MEGF10: variants seen among roughly 807,000 people sequenced by gnomAD.
MEGF10 encodes the protein multiple EGF like domains 10, also known as multiple epidermal growth factor-like domains protein 10.
MEGF10 carries 86 observed loss-of-function variants against 147.5 expected under a neutral mutation model. The ratio of observed to expected loss-of-function variants is 0.58; its 90% CI spans 0.49 to 0.70. The LOEUF (loss-of-function observed/expected upper bound fraction) is 0.70, where lower values mean the gene tolerates loss of function less well. MEGF10 is among the 30% of genes least tolerant of loss of function. The pLI is 0.00. For synonymous variants in MEGF10, 478 were observed against 525.5 expected (o/e 0.91, Z 1.24); for missense variants, 1,329 against 1,487.3 (o/e 0.89, Z 1.75).
At chr5:127,231,761 A>G in the MEGF10 span, among the ~76,000 whole-genome samples, 1 of 152,344 alleles carries the variant, frequency 6.6e-6, no homozygotes, top group East Asian at 1.9e-4. Flanking sequence ...CCCTTCCTTC[A>G]TTAGCCCAGT....
intron 13 of MEGF10, among the ~76,000 whole-genome samples, chr5:127,431,859 T>A (rs1765395442): frequency 6.6e-6 from 1 of 152,162 alleles, no homozygotes; most frequent in Non-Finnish European, 1.5e-5. Context: ...CCAGTATAGG[T>A]GTGGATATAA....
rs544125784 is a variant in MEGF10 at position 127,404,409 on chromosome 5, G to A, written c.917+1727G>A. On this transcript the variant is annotated intron_variant, in intron 8 of 24. Transcript: ENST00000503335. ...GCGGTTTTTACCATTGAAAGTAACG[G>A]TGAAGACCGCAATTACTTTTACACC... Among the ~76,000 whole-genome samples, 386 of 152,124 alleles carry A rather than the reference G, an allele frequency of 2.5e-3. 1 individual carries two copies. Among genetic ancestry groups the A allele is most frequent in the Non-Finnish European group, 4.3e-3 (290 of 67,972 alleles).
At chr5:127,420,364 G>T (rs1023646394) in intron 12 of MEGF10, among the ~76,000 whole-genome samples, 157 bp downstream of exon 12, 1 of 152,210 alleles carries the variant, frequency 6.6e-6, no homozygotes, top group South Asian at 2.1e-4. Context: ...CAAATTGGAC[G>T]TAGGATTGGA....
At chr5:127,290,076 T>C (rs1438002548), upstream of MEGF10, among the ~76,000 whole-genome samples, 1 of 152,158 alleles carries the variant, frequency 6.6e-6, no homozygotes, top group Non-Finnish European at 1.5e-5. Flanking sequence ...ATTCCATCAC[T>C]GGGCCTCCCG....
chr5:127,345,622 C>A (rs1245786457), intron 4 of MEGF10, among the ~76,000 whole-genome samples: 1 of 152,146 alleles, frequency 6.6e-6, no homozygotes, highest in Non-Finnish European at 1.5e-5. Flanking sequence ...TAAATTTGTT[C>A]ATCCTTTAAG....
intron 9 of MEGF10, among the ~76,000 whole-genome samples, chr5:127,415,060 C>T (rs1182920953): frequency 2.0e-5 from 3 of 149,858 alleles, no homozygotes; most frequent in Non-Finnish European, 4.4e-5. Context: ...CCCATGTGGA[C>T]GCCCCTAAAT....
chr5:127,235,389 C>T, the MEGF10 span, among the ~76,000 whole-genome samples: 74 of 152,328 alleles, frequency 4.9e-4, no homozygotes, highest in African/African-American at 1.8e-3. Context: ...TTCCTCCCTA[C>T]GACCATTTGA....
chr5:127,431,969 A>G (rs1443814687), intron 13 of MEGF10, among the ~76,000 whole-genome samples: 2 of 152,154 alleles, frequency 1.3e-5, no homozygotes, highest in Non-Finnish European at 2.9e-5. Context: ...AAAAAATAAT[A>G]TATTTATGAT....
intron 4 of MEGF10, 118 bp downstream of exon 4, chr5:127,340,748 C>G (rs1761649434): frequency 1.3e-6 from 1 of 746,438 alleles, no homozygotes; most frequent in Non-Finnish European, 2.3e-6. Flanking sequence ...CATTCCTTTT[C>G]CCTCTGGTTG....
At chr5:127,422,990 A>C (rs545951655) in intron 13 of MEGF10, among the ~76,000 whole-genome samples, 1 of 152,356 alleles carries the variant, frequency 6.6e-6, no homozygotes, top group Admixed American at 6.5e-5. Context: ...AGTAAGGTCC[A>C]GCTGTCAAAA....
At chr5:127,260,593 T>C in the MEGF10 span, among the ~76,000 whole-genome samples, 22 of 152,176 alleles carry the variant, frequency 1.4e-4, no homozygotes, top group Non-Finnish European at 3.1e-4. Flanking sequence ...ACTCATTGTC[T>C]CCTGTTGTAG....
At chr5:127,324,126 A>G (rs1311203491) in intron 1 of MEGF10, among the ~76,000 whole-genome samples, 1 of 152,124 alleles carries the variant, frequency 6.6e-6, no homozygotes, top group Non-Finnish European at 1.5e-5. Context: ...ATAATAGGGT[A>G]TAATTATGGT....
intron 1 of MEGF10, among the ~76,000 whole-genome samples, chr5:127,312,820 A>G (rs1760350580): frequency 6.6e-6 from 1 of 152,220 alleles, no homozygotes; most frequent in Non-Finnish European, 1.5e-5. Context: ...CAAGAAATTA[A>G]CTATAGCTTT....
rs1298650092 is a variant in MEGF10 at position 127,292,269 on chromosome 5, G to C, written c.-19+1213G>C. ...GCCACTTTTCAGTTCTGTGATTTTGGGGTAAGTTACTTAATCTGTTTATCC... is the reference window on the plus strand; with the variant it reads ...GCCACTTTTCAGTTCTGTGATTTTGCGGTAAGTTACTTAATCTGTTTATCC... On this transcript the variant is annotated intron_variant, in intron 1 of 24. Coordinates refer to ENST00000503335, the MANE Select transcript of MEGF10 (RefSeq NM_001256545.2). Among the ~76,000 whole-genome samples the C allele has an allele frequency of 2.6e-5, 4 of 152,186 alleles. No individual in the cohort carries two copies. In the East Asian group the frequency reaches 5.8e-4, roughly 22 times the overall value.
Position 127,371,191 on chromosome 5 carries a change from CTGTGTGTGTGTG to C in MEGF10, c.412+1233_412+1244del, listed in dbSNP as rs10591122. 7.1e-3 allele frequency among the ~76,000 whole-genome samples: 901 copies of C among 126,252 alleles called. 6 individuals are homozygous for C. The highest frequency in any genetic ancestry group is 0.033 in the South Asian group (109 of 3,350). The allele number at this position is 126,252 out of a possible 152,430, so 82.8% of individuals were successfully genotyped here. A position where few individuals can be genotyped will look rare whatever the true frequency, so the allele number is the denominator to read the frequency against. The stretch of plus-strand genomic sequence containing the variant: ...ACTGTACCTTAAACAGGGACTGGGA[CTGTGTGTGTGTG>C]TGTGTGTGTGTGTGTGTGTGTGTGT... On this transcript the variant is annotated intron_variant, in intron 5 of 24. Coordinates refer to ENST00000503335, the MANE Select transcript of MEGF10 (RefSeq NM_001256545.2).
At chr5:127,265,181 T>C in the MEGF10 span, among the ~76,000 whole-genome samples, 1 of 152,154 alleles carries the variant, frequency 6.6e-6, no homozygotes. Context: ...GGTTTTTTGT[T>C]CTTGAGATAG....
At chr5:127,294,823 T>TAAC (rs1759423537) in intron 1 of MEGF10, among the ~76,000 whole-genome samples, 1 of 144,368 alleles carries the variant, frequency 6.9e-6, no homozygotes, top group Admixed American at 7.2e-5. Flanking sequence ...ATAATAATAA[T>TAAC]AATAATAATA....
Position 127,298,343 on chromosome 5 carries a change from C to T in MEGF10, c.-19+7287C>T, listed in dbSNP as rs565443511. On this transcript the variant is annotated intron_variant, in intron 1 of 24. Coordinates refer to ENST00000503335, the MANE Select transcript of MEGF10 (RefSeq NM_001256545.2). ...ACCTGTCTTCGTCTCAGGTGTTTTTCCCCCAACACTAAGATTTGATAACCA... is the reference window on the plus strand; with the variant it reads ...ACCTGTCTTCGTCTCAGGTGTTTTTTCCCCAACACTAAGATTTGATAACCA... Among the ~76,000 whole-genome samples the T allele has an allele frequency of 3.2e-4, 48 of 152,232 alleles. No homozygotes were observed. The South Asian group carries it at 6.4e-3, about 20-fold the overall frequency.
intron 13 of MEGF10, 116 bp from the exon 14 acceptor site, chr5:127,433,247 T>C (rs1051462937): frequency 8.2e-7 from 1 of 1,224,354 alleles, no homozygotes; most frequent in Non-Finnish European, 1.2e-6. Flanking sequence ...CTCCATTCAT[T>C]GCTGCTGGTG....
Sources: allele counts gnomAD v4.1 joint callset (sites outside exome capture counted in the v4.1 genomes callset), GRCh38; gene constraint gnomAD v4.1.1; transcripts MANE v1.5; gene names NCBI Gene and HGNC (gene_info 2026-07-23, HGNC 2026-07-21).